Variants in LINGO2 observed in about 807,000 individuals in gnomAD.
LINGO2 encodes leucine-rich repeat and immunoglobulin-like domain-containing nogo receptor-interacting protein 2.
LINGO2 carries 14 observed loss-of-function variants against 30.6 expected under a neutral mutation model. The observed-to-expected ratio is 0.46, with a 90% CI of 0.30 to 0.72. The LOEUF (loss-of-function observed/expected upper bound fraction) is 0.72, where lower values mean the gene tolerates loss of function less well. LINGO2 is among the 30% of genes least tolerant of loss of function. The pLI is 0.07. For missense variants in LINGO2, 729 were observed against 751.7 expected, an observed-to-expected ratio of 0.97 and a Z score of 0.35; for synonymous variants, 317 against 288.5, an observed-to-expected ratio of 1.10 and a Z score of -1.00.
At chr9:28,571,598 T>A (rs1239439163) in intron 1 of LINGO2, among the ~76,000 whole-genome samples, 1 of 152,108 alleles carries the variant, frequency 6.6e-6, no homozygotes, top group Non-Finnish European at 1.5e-5. Context: ...CATATGATTA[T>A]GCAGTTAAGT....
chr9:29,184,292 T>A, the LINGO2 span, among the ~76,000 whole-genome samples: 5 of 151,764 alleles, frequency 3.3e-5, no homozygotes, highest in Non-Finnish European at 7.4e-5. Context: ...GAAGAAAAAA[T>A]CTGTGTTTTA....
chr9:28,498,633 C>T (rs9298898), intron 1 of LINGO2, among the ~76,000 whole-genome samples: 2 of 151,872 alleles, frequency 1.3e-5, no homozygotes, highest in African/African-American at 4.8e-5. Context: ...GTCCTGCTTC[C>T]GCTCACACTC....
At chr9:28,039,334 A>G (rs1361489607) in intron 4 of LINGO2, among the ~76,000 whole-genome samples, 1 of 152,262 alleles carries the variant, frequency 6.6e-6, no homozygotes, top group East Asian at 1.9e-4. Context: ...AGTTCTATAT[A>G]TAAACTAAGT....
the LINGO2 span, among the ~76,000 whole-genome samples, chr9:28,992,866 T>C: frequency 6.6e-6 from 1 of 151,182 alleles, no homozygotes; most frequent in Non-Finnish European, 1.5e-5. Flanking sequence ...TTCAAAGCAG[T>C]GTGTAGAGGG....
the LINGO2 span, among the ~76,000 whole-genome samples, chr9:28,691,576 A>G: frequency 1.3e-5 from 2 of 149,572 alleles, no homozygotes; most frequent in African/African-American, 2.4e-5. Context: ...TAAGAAACTG[A>G]GAAAAAAAAA....
chr9:27,961,256 A>G (rs1819831070), intron 5 of LINGO2, among the ~76,000 whole-genome samples: 2 of 152,290 alleles, frequency 1.3e-5, no homozygotes, highest in African/African-American at 4.8e-5. Context: ...AACTTGTAAT[A>G]GGTTCATTGG....
chr9:29,212,583 G>A, the LINGO2 span, among the ~76,000 whole-genome samples: 1 of 151,982 alleles, frequency 6.6e-6, no homozygotes, highest in Non-Finnish European at 1.5e-5. Context: ...GGGTGGGTCT[G>A]CGGTGCTAAT....
chr9:28,501,465 T>C (rs1200840107), intron 1 of LINGO2, among the ~76,000 whole-genome samples: 2 of 151,982 alleles, frequency 1.3e-5, no homozygotes, highest in Non-Finnish European at 2.9e-5. Flanking sequence ...TCCAACAAAG[T>C]CAAGTGGGGA....
At chr9:28,953,094 T>C in the LINGO2 span, among the ~76,000 whole-genome samples, 171 of 152,276 alleles carry the variant, frequency 1.1e-3, no homozygotes, top group African/African-American at 4.0e-3. Context: ...ATGAGGAATG[T>C]ACTCACTCTA....
intron 1 of LINGO2, among the ~76,000 whole-genome samples, chr9:28,494,225 T>G (rs1471269071): frequency 1.3e-5 from 2 of 152,180 alleles, no homozygotes; most frequent in Admixed American, 1.3e-4. Context: ...GCTACTTTTT[T>G]TTTAAATCAT....
the LINGO2 span, among the ~76,000 whole-genome samples, chr9:28,933,571 G>C: frequency 6.6e-6 from 1 of 152,054 alleles, no homozygotes; most frequent in African/African-American, 2.4e-5. Flanking sequence ...TCCACCATCA[G>C]GCACCAAAGA....
the LINGO2 span, among the ~76,000 whole-genome samples, chr9:29,043,114 A>C: frequency 1.4e-4 from 21 of 151,990 alleles, no homozygotes; most frequent in Non-Finnish European, 2.5e-4. Context: ...AGCAAGAAAA[A>C]GTAGACTGAA....
intron 1 of LINGO2, among the ~76,000 whole-genome samples, chr9:28,533,013 G>GTAT (rs1371393297): frequency 1.3e-5 from 2 of 152,030 alleles, no homozygotes; most frequent in African/African-American, 4.8e-5. Context: ...AGGATACAAA[G>GTAT]TATTGTTCCT....
Position 28,274,974 on chromosome 9 carries a change from A to C in LINGO2, c.-87+20234T>G, listed in dbSNP as rs183875893. Among the ~76,000 whole-genome samples, 5 of 152,300 alleles carry C rather than the reference A, an allele frequency of 3.3e-5. No individual in the cohort carries two copies. The East Asian group carries it at 9.7e-4, about 29-fold the overall frequency. ...TCATTCAGCAGTAGAGTAAGCCTTTATTGATTTCCTGTCAGTATGAGTATC... is the reference window on the plus strand; with the variant it reads ...TCATTCAGCAGTAGAGTAAGCCTTTCTTGATTTCCTGTCAGTATGAGTATC... On this transcript the variant is annotated intron_variant, in intron 4 of 5. Transcript: ENST00000379992.
intron 2 of LINGO2, among the ~76,000 whole-genome samples, chr9:28,430,820 A>G (rs908942798): frequency 6.6e-6 from 1 of 152,072 alleles, no homozygotes; most frequent in African/African-American, 2.4e-5. Flanking sequence ...GTCTCTCATT[A>G]CATTGTGGTC....
chr9:29,065,426 C>G, the LINGO2 span, among the ~76,000 whole-genome samples: 1 of 151,910 alleles, frequency 6.6e-6, no homozygotes, highest in Non-Finnish European at 1.5e-5. Context: ...GTCTTTAAAC[C>G]ATCTTGAGTT....
At chr9:28,774,299 C>G in the LINGO2 span, among the ~76,000 whole-genome samples, 1 of 152,034 alleles carries the variant, frequency 6.6e-6, no homozygotes, top group Admixed American at 6.5e-5. Context: ...AAACGGTTCA[C>G]TGAATAGCAA....
the LINGO2 span, among the ~76,000 whole-genome samples, chr9:29,190,495 T>C: frequency 6.6e-6 from 1 of 152,146 alleles, no homozygotes; most frequent in Admixed American, 6.6e-5. Flanking sequence ...AATGTAATAT[T>C]ACTTATTTAG....
At chr9:28,257,477 T>C (rs1822421282) in intron 4 of LINGO2, among the ~76,000 whole-genome samples, 1 of 151,908 alleles carries the variant, frequency 6.6e-6, no homozygotes, top group African/African-American at 2.4e-5. Flanking sequence ...AGAGACTCAC[T>C]AAAATTATGA....
Sources: allele counts gnomAD v4.1 joint callset (sites outside exome capture counted in the v4.1 genomes callset), GRCh38; gene constraint gnomAD v4.1.1; transcripts MANE v1.5; gene names NCBI Gene and HGNC (gene_info 2026-07-23, HGNC 2026-07-21).